PTPRU: variants seen among roughly 807,000 people sequenced by gnomAD.
The protein encoded by PTPRU is receptor-type tyrosine-protein phosphatase U.
Under a neutral mutation model 166.3 loss-of-function variants are expected in PTPRU, and 69 were observed. That is an observed-to-expected ratio of 0.41 (90% confidence interval 0.34 to 0.51). The LOEUF (loss-of-function observed/expected upper bound fraction) is 0.51. Ranked by LOEUF, PTPRU falls within the 20% of genes least tolerant of loss-of-function variation. The pLI, the probability that PTPRU is intolerant of heterozygous loss-of-function variation, is 0.09. For synonymous variants in PTPRU, 793 were observed against 814.0 expected (o/e 0.97, Z 0.44); for missense variants, 1,657 against 2,013.7 (o/e 0.82, Z 3.39).
intron 2 of PTPRU, 21 bp from the exon 3 acceptor site, chr1:29,258,484 C>T: frequency 6.2e-7 from 1 of 1,608,056 alleles, no homozygotes; most frequent in Non-Finnish European, 8.5e-7. Flanking sequence ...CATCTCCTGC[C>T]TCTTCCTCCT....
At chr1:29,300,392 G>A (rs2151961589) in intron 15 of PTPRU, among the ~76,000 whole-genome samples, 1 of 152,326 alleles carries the variant, frequency 6.6e-6, no homozygotes, top group East Asian at 1.9e-4. Context: ...GTCTTGCAGG[G>A]AAGAAACCTG....
intron 7 of PTPRU, among the ~76,000 whole-genome samples, chr1:29,262,521 G>A (rs1179781837): frequency 2.0e-5 from 3 of 152,182 alleles, no homozygotes; most frequent in Non-Finnish European, 4.4e-5. Flanking sequence ...TTATAGTGTG[G>A]TGTTGTAATT....
chr1:29,316,197 G>A (rs1228734861), intron 24 of PTPRU, 46 bp downstream of exon 24: 4 of 1,585,890 alleles, frequency 2.5e-6, no homozygotes, highest in Non-Finnish European at 2.6e-6. Context: ...GTGTGTCTGT[G>A]TGTGTGTTGG....
chr1:29,294,169 ACT>A (rs769873743), intron 15 of PTPRU, among the ~76,000 whole-genome samples: 52 of 151,410 alleles, frequency 3.4e-4, no homozygotes, highest in African/African-American at 1.0e-3. Context: ...TTCCAAAGCA[ACT>A]CTGCCTGTTT....
intron 7 of PTPRU, among the ~76,000 whole-genome samples, chr1:29,266,731 T>C (rs1557428240): frequency 1.3e-5 from 2 of 152,274 alleles, no homozygotes; most frequent in East Asian, 3.9e-4. Context: ...TTGTGGTTGG[T>C]AGGGATATAT....
chr1:29,301,243 T>C (rs1687118615), intron 15 of PTPRU, among the ~76,000 whole-genome samples: 1 of 152,178 alleles, frequency 6.6e-6, no homozygotes, highest in South Asian at 2.1e-4. Context: ...TGGTCAACAA[T>C]GGACCACGTA....
chr1:29,287,592 TG>T (rs1229899645), intron 14 of PTPRU, among the ~76,000 whole-genome samples: 34 of 148,506 alleles, frequency 2.3e-4, no homozygotes, highest in Middle Eastern at 3.5e-3. Flanking sequence ...TGTGTATGTA[TG>T]TTTTTTTTTT....
rs1574582604 is a variant in PTPRU, at chr1:29,236,760, CG to C, written c.73+47del. ...GGACCGAGCCTGCCCCGCCGAGCCT[CG>C]GGGCCCGTGGCGTAGCTCGGAAGAA... is the stretch of plus-strand genomic sequence containing the variant. On this transcript the variant is annotated intron_variant, in intron 1 of 29. Transcript: ENST00000373779. This position sits in a 1 kb window ranked among gnomAD's most constrained non-coding sequence, Gnocchi z 4.6. 4 of 1,382,632 alleles carry C rather than the reference CG, an allele frequency of 2.9e-6. No homozygotes were observed. The highest frequency in any genetic ancestry group is 3.7e-6 in the Non-Finnish European group (4 of 1,069,080). 85.6% of individuals were successfully genotyped at this position (1,382,632 alleles called of 1,614,324 possible).
chr1:29,325,423 A>T, intron 29 of PTPRU, 97 bp downstream of exon 29: 2 of 1,533,012 alleles, frequency 1.3e-6, no homozygotes, highest in Non-Finnish European at 1.8e-6. Flanking sequence ...GGGCCCCACC[A>T]CTGGGCCTTG....
intron 18 of PTPRU, among the ~76,000 whole-genome samples, chr1:29,309,798 T>C (rs1687564918): frequency 6.6e-6 from 1 of 152,214 alleles, no homozygotes. Flanking sequence ...TCCTCAGGCC[T>C]GGGAAGTTCA....
At chr1:29,319,100 G>C (rs989835902) in intron 25 of PTPRU, among the ~76,000 whole-genome samples, 3 of 152,214 alleles carry the variant, frequency 2.0e-5, no homozygotes, top group Non-Finnish European at 2.9e-5. Context: ...GATGTGAGGG[G>C]CCCATCAGTC....
chr1:29,312,795 G>A, intron 22 of PTPRU, 89 bp downstream of exon 22: 2 of 1,457,928 alleles, frequency 1.4e-6, no homozygotes, highest in Non-Finnish European at 1.8e-6. Context: ...ATCTGTAGTG[G>A]GGACCAGGCC....
chr1:29,251,762 T>C (rs1574608922), intron 1 of PTPRU, among the ~76,000 whole-genome samples: 2 of 152,170 alleles, frequency 1.3e-5, no homozygotes, highest in Non-Finnish European at 2.9e-5. Context: ...GCGGCTTTGT[T>C]ACTTGTGAAG....
At chr1:29,268,379 G>A (rs1468733909) in intron 7 of PTPRU, among the ~76,000 whole-genome samples, 2 of 152,132 alleles carry the variant, frequency 1.3e-5, no homozygotes, top group African/African-American at 4.8e-5. Flanking sequence ...GGACATAACC[G>A]TTGTCACAAC....
At chr1:29,262,895 T>C (rs1685134116) in intron 7 of PTPRU, among the ~76,000 whole-genome samples, 1 of 152,232 alleles carries the variant, frequency 6.6e-6, no homozygotes, top group Non-Finnish European at 1.5e-5. Flanking sequence ...TCTGTCCCTA[T>C]GGATTTGCCT....
chr1:29,273,981 G>A (rs1053106968), intron 7 of PTPRU, among the ~76,000 whole-genome samples: 2 of 152,126 alleles, frequency 1.3e-5, no homozygotes, highest in Admixed American at 6.6e-5. Context: ...GTATGATAGG[G>A]CTAATAATAG....
intron 7 of PTPRU, among the ~76,000 whole-genome samples, chr1:29,269,610 C>T (rs977230682): frequency 6.6e-6 from 1 of 152,102 alleles, no homozygotes; most frequent in South Asian, 2.1e-4. Flanking sequence ...CCTGCTTAGG[C>T]GCGTTGGCCG....
At chr1:29,259,185 C>T (rs755967810) in intron 3 of PTPRU, 76 bp from the exon 4 acceptor site, 8 of 1,457,022 alleles carry the variant, frequency 5.5e-6, no homozygotes, top group African/African-American at 1.4e-5. Flanking sequence ...AGGCTGAGGC[C>T]GAGCTGAAAG....
chr1:29,291,313 G>A lies in PTPRU; in HGVS notation c.2319-556G>A, dbSNP rs566343919. 5.9e-5 allele frequency among the ~76,000 whole-genome samples: 9 copies of A among 152,132 alleles called. No individual in the cohort carries two copies. Among genetic ancestry groups the A allele is most frequent in the Non-Finnish European group, 1.0e-4 (7 of 68,016 alleles). ...GCCAAGGGTGGAGTTCATTCTGTGC[G>A]TGGGGGAAGCCCCCGAGCTCTGGCT... On this transcript the variant is annotated intron_variant, in intron 14 of 29. Transcript: ENST00000373779. This position sits in a 1 kb window ranked among gnomAD's most constrained non-coding sequence, Gnocchi z 4.1.
Sources: allele counts gnomAD v4.1 joint callset (sites outside exome capture counted in the v4.1 genomes callset), GRCh38; gene constraint gnomAD v4.1.1; non-coding constraint Gnocchi (gnomAD v3.1); transcripts MANE v1.5; gene names NCBI Gene and HGNC (gene_info 2026-07-23, HGNC 2026-07-21).